The following KLF12 variants were observed in gnomAD, a reference collection of about 807,000 sequenced individuals.
KLF12 encodes Krueppel-like factor 12.
A neutral mutation model predicts 37.8 loss-of-function variants in KLF12; 9 were observed. That is an observed-to-expected ratio of 0.24 (90% confidence interval 0.14 to 0.42). The LOEUF (loss-of-function observed/expected upper bound fraction) is 0.42. KLF12 is among the 10% of genes least tolerant of loss of function. KLF12 has a pLI of 1.00. For missense variants in KLF12, 411 were observed against 516.0 expected (o/e 0.80, Z 1.97); for synonymous variants, 208 against 202.1 (o/e 1.03, Z -0.25).
chr13:73,874,602 A>T (rs1181405069), intron 3 of KLF12, among the ~76,000 whole-genome samples: 1 of 152,164 alleles, frequency 6.6e-6, no homozygotes, highest in African/African-American at 2.4e-5. Flanking sequence ...AGGGCACTTA[A>T]CACTAACGTG....
At chr13:74,127,252 A>G (rs1464366856) in intron 1 of KLF12, among the ~76,000 whole-genome samples, 2 of 152,220 alleles carry the variant, frequency 1.3e-5, no homozygotes, top group East Asian at 3.8e-4. Flanking sequence ...CTATACTACA[A>G]GATTTCTTTT....
intron 1 of KLF12, among the ~76,000 whole-genome samples, chr13:74,020,599 T>C (rs577564992): frequency 4.6e-5 from 7 of 152,100 alleles, no homozygotes; most frequent in African/African-American, 1.7e-4. Flanking sequence ...CATAAAAATA[T>C]GGAATGGAAG....
Position 74,002,018 on chromosome 13 carries a change from T to C in KLF12, c.-31-6965A>G, listed in dbSNP as rs535919376. ...TTGAAAGATCAATCAAAGGACTTAA[T>C]AGATTTGTTTTACTGACATGTTGAC... On this transcript the variant is annotated intron_variant, in intron 1 of 7. Transcript: ENST00000377669. 3.9e-5 allele frequency among the ~76,000 whole-genome samples: 6 copies of C among 152,366 alleles called. No individual in the cohort carries two copies. In the South Asian group the frequency reaches 1.0e-3, roughly 26 times the overall value.
the KLF12 span, among the ~76,000 whole-genome samples, chr13:74,184,026 G>A: frequency 2.0e-5 from 3 of 152,188 alleles, no homozygotes; most frequent in Non-Finnish European, 4.4e-5. Flanking sequence ...TGTTCAAGGT[G>A]TGATCCACTG....
chr13:74,214,642 A>AT, the KLF12 span, among the ~76,000 whole-genome samples: 1,984 of 148,886 alleles, frequency 0.013, 129 homozygotes, highest in Admixed American at 0.12. Flanking sequence ...CTGATTTCAG[A>AT]TTTTTTTTTT....
At chr13:74,080,803 A>G (rs1055902219) in intron 1 of KLF12, among the ~76,000 whole-genome samples, 4 of 152,240 alleles carry the variant, frequency 2.6e-5, no homozygotes, top group Non-Finnish European at 5.9e-5. Context: ...AAGCAATGGA[A>G]ATTGATCAGT....
At chr13:74,109,384 G>T (rs190941651) in intron 1 of KLF12, among the ~76,000 whole-genome samples, 30 of 151,986 alleles carry the variant, frequency 2.0e-4, no homozygotes, top group African/African-American at 7.2e-4. Flanking sequence ...GGGAGCACTG[G>T]GGGGAGTAAG....
chr13:73,754,353 AG>A (rs1262891369), intron 6 of KLF12, among the ~76,000 whole-genome samples: 9 of 152,178 alleles, frequency 5.9e-5, no homozygotes, highest in Non-Finnish European at 1.0e-4. Context: ...GTTTGTTTTT[AG>A]GTCTTGGCAT....
At chr13:74,222,026 G>A in the KLF12 span, among the ~76,000 whole-genome samples, 1 of 152,164 alleles carries the variant, frequency 6.6e-6, no homozygotes, top group African/African-American at 2.4e-5. Flanking sequence ...CATTTCTCCA[G>A]TACTGAATAG....
At chr13:73,995,424 T>A (rs928375740) in intron 1 of KLF12, among the ~76,000 whole-genome samples, 9 of 152,164 alleles carry the variant, frequency 5.9e-5, no homozygotes, top group African/African-American at 1.9e-4. Flanking sequence ...ATTTCCTGTA[T>A]AAAAGAGAAG....
chr13:73,876,700 T>C (rs1460306115), intron 3 of KLF12, among the ~76,000 whole-genome samples: 5 of 152,096 alleles, frequency 3.3e-5, no homozygotes, highest in Admixed American at 1.3e-4. Context: ...TCAATTCTGA[T>C]TTCTAAAAAA....
intron 1 of KLF12, among the ~76,000 whole-genome samples, chr13:74,044,200 C>T (rs547646552): frequency 3.0e-4 from 45 of 152,294 alleles, no homozygotes; most frequent in South Asian, 4.1e-4. Flanking sequence ...ACTCCACACA[C>T]TGACCACAAC....
intron 6 of KLF12, among the ~76,000 whole-genome samples, chr13:73,737,438 T>C (rs1246495087): frequency 1.3e-5 from 2 of 152,200 alleles, no homozygotes; most frequent in Non-Finnish European, 2.9e-5. Flanking sequence ...GGATAAGTCA[T>C]TTAGCAGCCC....
At chr13:73,816,327 C>A (rs544002578) in intron 4 of KLF12, among the ~76,000 whole-genome samples, 2 of 152,286 alleles carry the variant, frequency 1.3e-5, no homozygotes, top group South Asian at 2.1e-4. Context: ...AAAATATCAG[C>A]CTCTGTAAGT....
chr13:74,039,858 G>T (rs958694282), intron 1 of KLF12, among the ~76,000 whole-genome samples: 1 of 152,182 alleles, frequency 6.6e-6, no homozygotes, highest in Non-Finnish European at 1.5e-5. Context: ...ACATAACACT[G>T]TCCTGTCATG....
At chr13:74,037,506 C>T (rs760667016) in intron 1 of KLF12, among the ~76,000 whole-genome samples, 7 of 152,110 alleles carry the variant, frequency 4.6e-5, no homozygotes, top group Non-Finnish European at 8.8e-5. Flanking sequence ...CAATTCATTG[C>T]GTATGAGCCT....
chr13:74,151,417 G>T, the KLF12 span, among the ~76,000 whole-genome samples: 12 of 152,298 alleles, frequency 7.9e-5, no homozygotes, highest in African/African-American at 2.9e-4. Flanking sequence ...TAGGGAGCCC[G>T]AGGTGGGCGG....
chr13:73,749,542 T>C (rs1308324611), intron 6 of KLF12, among the ~76,000 whole-genome samples: 2 of 152,200 alleles, frequency 1.3e-5, no homozygotes, highest in African/African-American at 4.8e-5. Flanking sequence ...TTTATTGGAC[T>C]AATTGCAAGG....
chr13:74,135,060 T>TGGGGCGGGCGGA (rs1408270100), upstream of KLF12, among the ~76,000 whole-genome samples: 2 of 150,444 alleles, frequency 1.3e-5, no homozygotes, highest in African/African-American at 2.4e-5. Context: ...CGCGCGCCGG[T>TGGGGCGGGCGGA]GGGGCGGGCG....
Sources: allele counts gnomAD v4.1 joint callset (sites outside exome capture counted in the v4.1 genomes callset), GRCh38; gene constraint gnomAD v4.1.1; transcripts MANE v1.5; gene names NCBI Gene and HGNC (gene_info 2026-07-23, HGNC 2026-07-21).